CYP7B1: variants seen among roughly 807,000 people sequenced by gnomAD.
The protein encoded by CYP7B1 is cytochrome P450 7B1.
CYP7B1 carries 29 observed loss-of-function variants against 42.7 expected under a neutral mutation model. The ratio of observed to expected loss-of-function variants is 0.68; its 90% CI spans 0.51 to 0.93. CYP7B1 has a LOEUF of 0.93. Ranked by LOEUF, CYP7B1 falls within the 40% of genes least tolerant of loss-of-function variation. CYP7B1 has a pLI of 0.00. For synonymous variants in CYP7B1, 235 were observed against 218.2 expected (o/e 1.08, Z -0.68); for missense variants, 655 against 600.5 (o/e 1.09, Z -0.95).
intron 1 of CYP7B1, among the ~76,000 whole-genome samples, chr8:64,759,571 AT>A (rs534673937): frequency 2.0e-5 from 3 of 152,044 alleles, no homozygotes; most frequent in Non-Finnish European, 4.4e-5. Flanking sequence ...CCGATAAATT[AT>A]TTTTTTTAAT....
chr8:64,686,033 C>A (rs1321952276), intron 1 of CYP7B1, among the ~76,000 whole-genome samples: 1 of 108,352 alleles, frequency 9.2e-6, no homozygotes, highest in Admixed American at 8.7e-5. Context: ...GGCCAGCCAC[C>A]CCGTCCGGGA....
intron 1 of CYP7B1, among the ~76,000 whole-genome samples, chr8:64,632,703 G>A (rs1030284083): frequency 5.3e-5 from 8 of 152,058 alleles, no homozygotes; most frequent in Non-Finnish European, 1.2e-4. Flanking sequence ...TACTTCATAA[G>A]TAACATCTAC....
chr8:64,782,623 T>G (rs1804448995), intron 1 of CYP7B1, among the ~76,000 whole-genome samples: 1 of 152,210 alleles, frequency 6.6e-6, no homozygotes, highest in Non-Finnish European at 1.5e-5. Flanking sequence ...CTGATAGAGA[T>G]AAGAGATTTA....
At chr8:64,713,548 G>T (rs770591033) in intron 1 of CYP7B1, among the ~76,000 whole-genome samples, 2 of 152,024 alleles carry the variant, frequency 1.3e-5, no homozygotes, top group Non-Finnish European at 2.9e-5. Context: ...AAAATATTAA[G>T]AGATGAAAAA....
chr8:64,783,812 A>G (rs1444360053), intron 1 of CYP7B1, among the ~76,000 whole-genome samples: 1 of 152,198 alleles, frequency 6.6e-6, no homozygotes, highest in Non-Finnish European at 1.5e-5. Flanking sequence ...AGTATAAGTC[A>G]CAAAGAGACA....
At chr8:64,785,216 C>T (rs939140553) in intron 1 of CYP7B1, among the ~76,000 whole-genome samples, 2 of 152,164 alleles carry the variant, frequency 1.3e-5, no homozygotes, top group Non-Finnish European at 2.9e-5. Context: ...CAAATGTTTT[C>T]AAGCATGTGA....
intron 1 of CYP7B1, among the ~76,000 whole-genome samples, chr8:64,684,385 T>C (rs1264855710): frequency 1.3e-5 from 2 of 152,360 alleles, no homozygotes; most frequent in South Asian, 4.1e-4. Flanking sequence ...TATCGACTAT[T>C]GGTTATTACC....
intron 1 of CYP7B1, among the ~76,000 whole-genome samples, chr8:64,638,193 G>A (rs767069621): frequency 2.7e-4 from 41 of 151,566 alleles, no homozygotes; most frequent in Admixed American, 4.0e-4. Context: ...AGTTTTTAAA[G>A]TTATGCTTTC....
intron 1 of CYP7B1, among the ~76,000 whole-genome samples, chr8:64,658,670 A>T (rs961940572): frequency 6.6e-6 from 1 of 152,124 alleles, no homozygotes; most frequent in African/African-American, 2.4e-5. Flanking sequence ...TTTTCATTAC[A>T]ACCACTTTCC....
intron 1 of CYP7B1, among the ~76,000 whole-genome samples, chr8:64,691,402 C>T (rs1333914068): frequency 6.7e-6 from 1 of 148,902 alleles, no homozygotes; most frequent in African/African-American, 2.5e-5. Context: ...GCCAGAAAAG[C>T]ACAGCTCCCA....
At chr8:64,610,726 A>T in intron 4 of CYP7B1, among the ~76,000 whole-genome samples, 1 of 152,130 alleles carries the variant, frequency 6.6e-6, no homozygotes, top group East Asian at 1.9e-4. Context: ...ACCCAACTGC[A>T]TTTGAGAATC....
At chr8:64,683,795 A>G (rs760948348) in intron 1 of CYP7B1, among the ~76,000 whole-genome samples, 3 of 152,148 alleles carry the variant, frequency 2.0e-5, no homozygotes, top group African/African-American at 4.8e-5. Context: ...GTGAGCCTTT[A>G]AAAATACTTT....
chr8:64,788,030 C>G (rs563655210), intron 1 of CYP7B1, among the ~76,000 whole-genome samples: 1 of 152,202 alleles, frequency 6.6e-6, no homozygotes, highest in Non-Finnish European at 1.5e-5. Context: ...TCACTTCCCA[C>G]TGGGTTCTTC....
At chr8:64,675,383 C>T (rs1244516653) in intron 1 of CYP7B1, among the ~76,000 whole-genome samples, 1 of 151,314 alleles carries the variant, frequency 6.6e-6, no homozygotes, top group African/African-American at 2.4e-5. Context: ...AATAATAAAA[C>T]AATGAAAACT....
intron 1 of CYP7B1, among the ~76,000 whole-genome samples, chr8:64,663,508 C>G (rs1316888667): frequency 6.6e-6 from 1 of 152,218 alleles, no homozygotes; most frequent in Non-Finnish European, 1.5e-5. Flanking sequence ...CACTTTCCTT[C>G]TCCATTCATA....
rs1178382551 is a variant in CYP7B1, at chr8:64,788,956, T to A, written c.122+9510A>T. On this transcript the variant is annotated intron_variant, in intron 1 of 5. Transcript: ENST00000310193. ...CTTATTTTCAGATGCAGTCTCACTC[T>A]GTCGCCCAGCCTGGAGTGCAGTGGT... Among the ~76,000 whole-genome samples, 57 of 152,216 alleles carry A rather than the reference T, an allele frequency of 3.7e-4. 1 individual carries two copies. Among genetic ancestry groups the A allele is most frequent in the Non-Finnish European group, 1.5e-5 (1 of 68,034 alleles).
chr8:64,746,523 G>C (rs1328041921), intron 1 of CYP7B1, among the ~76,000 whole-genome samples: 2 of 152,100 alleles, frequency 1.3e-5, no homozygotes, highest in Non-Finnish European at 1.5e-5. Context: ...TTTGTATTTT[G>C]GTGATTTAAA....
At chr8:64,732,791 G>A (rs1052591862) in intron 1 of CYP7B1, 16 of 152,188 alleles carry the variant, frequency 1.1e-4, no homozygotes, top group African/African-American at 2.2e-4. Flanking sequence ...AAATAATACT[G>A]AGTGAGTTCT....
At chr8:64,628,900 G>A (rs1805647170) in intron 1 of CYP7B1, among the ~76,000 whole-genome samples, 1 of 152,052 alleles carries the variant, frequency 6.6e-6, no homozygotes, top group African/African-American at 2.4e-5. Context: ...AACTTGACTA[G>A]TGACCTATTG....
Sources: gnomAD v4.1 joint callset for allele counts (sites outside exome capture counted in the v4.1 genomes callset) on GRCh38, gnomAD v4.1.1 for gene constraint, MANE v1.5 for transcripts, NCBI Gene and HGNC (gene_info 2026-07-23, HGNC 2026-07-21) for gene names.